The following UNC5A variants were observed in gnomAD, a reference collection of about 807,000 sequenced individuals.
UNC5A encodes the protein netrin receptor UNC5A.
In UNC5A, 20 loss-of-function variants were observed where a neutral mutation model predicts 87.4. That is an observed-to-expected ratio of 0.23 (90% CI 0.16 to 0.33). UNC5A has a LOEUF of 0.33. UNC5A is among the 10% of genes least tolerant of loss of function. The pLI, the probability that UNC5A is intolerant of heterozygous loss-of-function variation, is 1.00. For synonymous variants in UNC5A, 438 were observed against 482.3 expected, an observed-to-expected ratio of 0.91 and a Z score of 1.20; for missense variants, 844 against 1,133.4, an observed-to-expected ratio of 0.74 and a Z score of 3.67.
At chr5:176,846,922 C>T (rs1424776770) in intron 1 of UNC5A, among the ~76,000 whole-genome samples, 2 of 152,202 alleles carry the variant, frequency 1.3e-5, no homozygotes, top group African/African-American at 4.8e-5. Context: ...GAGCGCATCT[C>T]AGCAGGGGCG....
intron 1 of UNC5A, among the ~76,000 whole-genome samples, chr5:176,840,686 C>T (rs77921397): frequency 6.6e-6 from 1 of 152,196 alleles, no homozygotes; most frequent in Non-Finnish European, 1.5e-5. Flanking sequence ...CTCTCCCCCC[C>T]TGGCCCAGGC....
At chr5:176,859,800 T>C (rs796460484) in intron 1 of UNC5A, among the ~76,000 whole-genome samples, 1,390 of 84,054 alleles carry the variant, frequency 0.017, 37 homozygotes, top group South Asian at 0.038. Flanking sequence ...TGCTAGAATG[T>C]CCTTGCTAGA....
At chr5:176,870,223 A>G (rs1758076148) in intron 5 of UNC5A, 147 bp from the exon 6 acceptor site, 1 of 986,544 alleles carries the variant, frequency 1.0e-6, no homozygotes, top group African/African-American at 1.6e-5. Flanking sequence ...GAGGGCGTGC[A>G]TCGTGGGCCT....
At chr5:176,831,265 TGCCA>T (rs1757016914) in intron 1 of UNC5A, among the ~76,000 whole-genome samples, 1 of 152,204 alleles carries the variant, frequency 6.6e-6, no homozygotes, top group African/African-American at 2.4e-5. Context: ...GTTAATGGAC[TGCCA>T]GCCCGGGCCA....
Position 176,874,693 on chromosome 5 carries a change from TG to T in UNC5A, c.1378+131del. 1 of 1,151,250 alleles carries T rather than the reference TG, an allele frequency of 8.7e-7. No individual in the cohort carries two copies. The highest frequency in any genetic ancestry group is 1.2e-6 in the Non-Finnish European group (1 of 844,372). 71.3% of individuals were successfully genotyped at this position (1,151,250 alleles called of 1,614,324 possible). A position where few individuals can be genotyped will look rare whatever the true frequency, so the allele number is the denominator to read the frequency against. ...TCAGCAAGGAAAGGGGGTGGAGTTT[TG>T]GGGAGAACCCAGTCTTGGCTGGCAC... On this transcript the variant is annotated intron_variant, in intron 8 of 14. Transcript: ENST00000329542. The surrounding 1 kb of genome is among the most constrained non-coding windows in gnomAD (Gnocchi z 7.6).
At chr5:176,857,999 C>T (rs1296024168) in intron 1 of UNC5A, among the ~76,000 whole-genome samples, 1 of 152,176 alleles carries the variant, frequency 6.6e-6, no homozygotes, top group Admixed American at 6.5e-5. Context: ...TGCAGGCCCA[C>T]GAGCCACTGC....
intron 2 of UNC5A, among the ~76,000 whole-genome samples, chr5:176,867,599 C>T (rs73804255): frequency 0.011 from 1,601 of 152,288 alleles, 31 homozygotes; most frequent in African/African-American, 0.036. Flanking sequence ...AGTCCCAGGG[C>T]GCTAGCATCA....
chr5:176,839,174 T>C (rs1184965973), intron 1 of UNC5A, among the ~76,000 whole-genome samples: 1 of 152,198 alleles, frequency 6.6e-6, no homozygotes, highest in East Asian at 1.9e-4. Flanking sequence ...ACCCCACTCC[T>C]GTCACTTCCA....
At chr5:176,868,030 C>T in intron 2 of UNC5A, 100 bp from the exon 3 acceptor site, 1 of 1,119,920 alleles carries the variant, frequency 8.9e-7, no homozygotes, top group Non-Finnish European at 1.2e-6. Flanking sequence ...AGTCCACTCC[C>T]TTGCCAGTCA....
rs1756805101 is a variant in UNC5A at position 176,824,504 on chromosome 5, C to T, written c.70+13684C>T. Among the ~76,000 whole-genome samples the T allele has an allele frequency of 6.6e-6, 1 of 151,928 alleles. No individual in the cohort carries two copies. The highest frequency in any genetic ancestry group is 2.1e-4 in the South Asian group (1 of 4,804). ...GAGCAAAGCGCCCACCCAGAGGTAG[C>T]AAGGTGGCAGCAGGCAGGGCATTTA... On this transcript the variant is annotated intron_variant, in intron 1 of 14. Transcript: ENST00000329542. The surrounding 1 kb of genome is among the most constrained non-coding windows in gnomAD (Gnocchi z 4.2).
At chr5:176,862,588 G>A (rs1476204835) in intron 1 of UNC5A, 36 bp from the exon 2 acceptor site, 2 of 1,598,540 alleles carry the variant, frequency 1.3e-6, no homozygotes, top group Admixed American at 3.4e-5. Context: ...GCCCAGTCTG[G>A]CCCCTGGCTC....
chr5:176,878,719 T>A (rs1758332435), intron 13 of UNC5A, 80 bp downstream of exon 13: 1 of 1,506,978 alleles, frequency 6.6e-7, no homozygotes, highest in South Asian at 1.3e-5. Flanking sequence ...GCTCCTGCCC[T>A]GCCTGCCCTG....
rs2149372131 is a variant in UNC5A, at chr5:176,880,713, G to A, written c.*827G>A. 1 of 193,278 alleles carries A rather than the reference G, an allele frequency of 5.2e-6. No individual in the cohort carries two copies. The highest frequency in any genetic ancestry group is 1.1e-4 in the South Asian group (1 of 8,726). The allele number at this position is 193,278 out of a possible 1,614,324, so 12.0% of individuals were successfully genotyped here. A position where few individuals can be genotyped will look rare whatever the true frequency, so the allele number is the denominator to read the frequency against. On this transcript the variant is annotated 3_prime_UTR_variant, in exon 15 of 15. Transcript: ENST00000329542. ...GGTGAGTGTGTGTGTGGCGTGGCGT[G>A]CCCGTCCCCAGGGCTGGCTGGTGCC...
At chr5:176,818,712 C>A (rs567390587) in intron 1 of UNC5A, among the ~76,000 whole-genome samples, 4 of 152,194 alleles carry the variant, frequency 2.6e-5, no homozygotes, top group African/African-American at 9.7e-5. Context: ...ACTGCCAGGG[C>A]CTCTCTGGTA....
At chr5:176,870,844 C>T (rs1233339059) in intron 6 of UNC5A, among the ~76,000 whole-genome samples, 2 of 150,742 alleles carry the variant, frequency 1.3e-5, no homozygotes, top group Non-Finnish European at 3.0e-5. Context: ...TCACATCTGC[C>T]CACGCTCACC....
At position 176,810,663 on chromosome 5, in the gene UNC5A, CG is replaced by C. The variant is rs1561633486; in HGVS notation, c.-87del. 2 of 432,474 alleles carry C rather than the reference CG, an allele frequency of 4.6e-6. No individual in the cohort carries two copies. The highest frequency in any genetic ancestry group is 4.3e-5 in the African/African-American group (2 of 46,138). 26.8% of individuals were successfully genotyped at this position (432,474 alleles called of 1,614,324 possible). A position where few individuals can be genotyped will look rare whatever the true frequency, so the allele number is the denominator to read the frequency against. ...GCTGGCATGGGCCCCGGGGGCGCCC[CG>C]AGCTGGGGCTCCGGGCTGAGGCGCT... On this transcript the variant is annotated 5_prime_UTR_variant, in exon 1 of 15. An upstream open reading frame in the 5' UTR gains an earlier in-frame stop. Transcript: ENST00000329542. This position sits in a 1 kb window ranked among gnomAD's most constrained non-coding sequence, Gnocchi z 7.3.
chr5:176,872,623 A>G (rs1758150775), intron 6 of UNC5A, among the ~76,000 whole-genome samples: 1 of 139,970 alleles, frequency 7.1e-6, no homozygotes, highest in African/African-American at 2.7e-5. Flanking sequence ...ACGCTCACCA[A>G]CACCACAGCT....
chr5:176,869,514 G>A lies in UNC5A; in HGVS notation c.721+550G>A. 2 of 613,768 alleles carry A rather than the reference G, an allele frequency of 3.3e-6. No individual in the cohort carries two copies. The highest frequency in any genetic ancestry group is 5.9e-6 in the Non-Finnish European group (2 of 336,850). The allele number at this position is 613,768 out of a possible 1,614,324, so 38.0% of individuals were successfully genotyped here. A position where few individuals can be genotyped will look rare whatever the true frequency, so the allele number is the denominator to read the frequency against. On this transcript the variant is annotated intron_variant, in intron 5 of 14. Transcript: ENST00000329542. This position sits in a 1 kb window ranked among gnomAD's most constrained non-coding sequence, Gnocchi z 9.1. ...CCCAGCTCAGCCACAGCCCACCCGT[G>A]TCCAGCTCACAGCCCCTCTGCCCTC...
intron 10 of UNC5A, 31 bp downstream of exon 10, chr5:176,877,734 GGGAAC>G: frequency 6.4e-7 from 1 of 1,564,480 alleles, no homozygotes; most frequent in Non-Finnish European, 8.7e-7. Flanking sequence ...GGCTCCAGAA[GGGAAC>G]GTGGGCTAAC....
Sources: allele counts gnomAD v4.1 joint callset (sites outside exome capture counted in the v4.1 genomes callset), GRCh38; gene constraint gnomAD v4.1.1; non-coding constraint Gnocchi (gnomAD v3.1); transcripts MANE v1.5; gene names NCBI Gene and HGNC (gene_info 2026-07-23, HGNC 2026-07-21).